SATL1: variants seen among roughly 807,000 people sequenced by gnomAD.
SATL1 encodes spermidine/spermine N1-acetyl transferase like 1, also known as spermidine/spermine N(1)-acetyltransferase-like protein 1.
Under a neutral mutation model 51.8 loss-of-function variants are expected in SATL1, and 47 were observed. The observed-to-expected ratio is 0.91, with a 90% CI of 0.72 to 1.16. The LOEUF is 1.16. SATL1 is among the 50% of genes most tolerant of loss of function. The pLI is 0.00. For missense variants in SATL1, 520 were observed against 526.4 expected (o/e 0.99, Z 0.12); for synonymous variants, 176 against 182.4 (o/e 0.97, Z 0.28).
intron 2 of SATL1, among the ~76,000 whole-genome samples, chrX:85,148,529 T>G (rs904834799): frequency 9.1e-6 from 1 of 110,223 alleles, no homozygotes; most frequent in African/African-American, 3.3e-5. Flanking sequence ...TCACCAAAGT[T>G]GAAATGAAGG....
At chrX:85,198,401 C>G (rs1225708160) in intron 2 of SATL1, among the ~76,000 whole-genome samples, 1 of 111,555 alleles carries the variant, frequency 9.0e-6, no homozygotes, top group Non-Finnish European at 1.9e-5. Flanking sequence ...CTTGAGGAAT[C>G]TCCAAACTGT....
intron 2 of SATL1, among the ~76,000 whole-genome samples, chrX:85,132,633 C>A (rs1279647180): frequency 9.0e-6 from 1 of 111,681 alleles, no homozygotes; most frequent in African/African-American, 3.3e-5. Flanking sequence ...TATTACTGAC[C>A]TTCTGAAGCC....
chrX:85,173,294 C>T (rs981568284), intron 2 of SATL1, among the ~76,000 whole-genome samples: 1 of 110,786 alleles, frequency 9.0e-6, no homozygotes, highest in African/African-American at 3.3e-5. Context: ...TTGCATTATA[C>T]TAAAGGCATT....
intron 2 of SATL1, among the ~76,000 whole-genome samples, chrX:85,114,290 G>C (rs1021598567): frequency 2.7e-5 from 3 of 111,062 alleles, no homozygotes; most frequent in Non-Finnish European, 3.8e-5. Context: ...ATGTTTTCTT[G>C]ACTCTGAAAA....
intron 2 of SATL1, among the ~76,000 whole-genome samples, chrX:85,113,981 G>A (rs1160114794): frequency 2.7e-5 from 3 of 111,641 alleles, no homozygotes; most frequent in African/African-American, 6.5e-5. Flanking sequence ...GTATGAGGCC[G>A]GTTTTCACAA....
intron 2 of SATL1, among the ~76,000 whole-genome samples, chrX:85,180,486 C>A (rs2147739526): frequency 9.0e-6 from 1 of 111,424 alleles, no homozygotes; most frequent in African/African-American, 3.3e-5. Flanking sequence ...GCAACCAACA[C>A]AATGGTATGT....
At chrX:85,126,829 A>G (rs928495023) in intron 2 of SATL1, among the ~76,000 whole-genome samples, 11 of 108,483 alleles carry the variant, frequency 1.0e-4, no homozygotes, top group African/African-American at 3.7e-4. Context: ...TCCTTTCATC[A>G]CAAGTTTTAC....
intron 4 of SATL1, among the ~76,000 whole-genome samples, chrX:85,096,679 T>C (rs898424437): frequency 1.8e-5 from 2 of 110,696 alleles, no homozygotes; most frequent in African/African-American, 6.6e-5. Context: ...GGATCCTCAA[T>C]TAGATTACCA....
At chrX:85,212,344 A>C (rs941167559) in intron 2 of SATL1, among the ~76,000 whole-genome samples, 9 of 111,992 alleles carry the variant, frequency 8.0e-5, no homozygotes, top group African/African-American at 2.9e-4. Context: ...GACTAAAATT[A>C]ATCTGTAAGA....
chrX:85,219,735 C>T (rs1928131562), intron 2 of SATL1: 1 of 110,499 alleles, frequency 9.0e-6, no homozygotes, highest in Non-Finnish European at 1.9e-5. Context: ...TAGAATGATC[C>T]CATAACCTGG....
chrX:85,233,090 A>T (rs2147766437), intron 1 of SATL1, among the ~76,000 whole-genome samples: 1 of 112,251 alleles, frequency 8.9e-6, no homozygotes, highest in African/African-American at 3.2e-5. Context: ...CAGGCAGCTC[A>T]GCACAGAGAG....
At chrX:85,195,774 C>T (rs888195908) in intron 2 of SATL1, among the ~76,000 whole-genome samples, 4 of 109,234 alleles carry the variant, frequency 3.7e-5, no homozygotes, top group Non-Finnish European at 5.7e-5. Flanking sequence ...ATTGCCTGGG[C>T]GACAAGAGCA....
intron 2 of SATL1, among the ~76,000 whole-genome samples, chrX:85,160,866 C>T (rs889440390): frequency 3.6e-5 from 4 of 110,922 alleles, no homozygotes; most frequent in Non-Finnish European, 7.6e-5. Context: ...ACCTGAGACA[C>T]ACATCATCAG....
rs750251731 is a variant in SATL1 at position 85,108,133 on chromosome X, C to T, written c.836G>A (p.Trp279Ter). 22 of 1,209,709 alleles carry T rather than the reference C, an allele frequency of 1.8e-5. No individual in the cohort carries two copies. In the African/African-American group the frequency reaches 2.1e-4, roughly 12 times the overall value. Residue 279 changes from tryptophan (W) to a stop codon, truncating the protein, a stop_gained, in exon 3 of 8, where the codon TGG becomes TAG. Coordinates refer to ENST00000644105, the MANE Select transcript of SATL1 (RefSeq NM_001367857.2). LOFTEE classifies it high-confidence loss of function. ...GTTCATTTCATATAGGCTTGCACTC[C>T]ATTGGTTCATGTCCATTTGGTTCAT... ...LGMNQMDMNQ[W>*]SASLYEMNQV...
At position 85,108,706 on chromosome X, in the gene SATL1, C is replaced by A. The variant is rs1925175122; in HGVS notation, c.263G>T (p.Gly88Val). 5.0e-6 allele frequency: 6 copies of A among 1,202,968 alleles called. No individual in the cohort carries two copies. The East Asian group carries it at 1.8e-4, about 36-fold the overall frequency. The change falls in exon 3 of 8, where the codon GGC becomes GTC. Residue 88 changes from glycine to valine, a missense_variant. Physicochemically the swap from Gly to Val is moderately radical, Grantham distance 109. Transcript: ENST00000644105. ...DTWQLGRSQP[G>V]MLQQELSQLV... ...TTGGCTCAGTTCTTGTTGCAGCATGCCTGGTTGGCTCCTACCTAATTGCCA... is the reference window on the plus strand; with the variant it reads ...TTGGCTCAGTTCTTGTTGCAGCATGACTGGTTGGCTCCTACCTAATTGCCA...
At chrX:85,131,602 A>C (rs1602855491) in intron 2 of SATL1, among the ~76,000 whole-genome samples, 2 of 111,118 alleles carry the variant, frequency 1.8e-5, no homozygotes, top group South Asian at 3.8e-4. Context: ...CTCTTTATCC[A>C]ATTTGCCAGT....
At chrX:85,236,986 G>A (rs1928494048) in intron 1 of SATL1, among the ~76,000 whole-genome samples, 1 of 111,320 alleles carries the variant, frequency 9.0e-6, no homozygotes, top group Non-Finnish European at 1.9e-5. Flanking sequence ...GAAATCAGTA[G>A]CATTTCTATA....
intron 2 of SATL1, among the ~76,000 whole-genome samples, chrX:85,153,204 C>T (rs907638364): frequency 7.2e-5 from 8 of 110,380 alleles, no homozygotes; most frequent in African/African-American, 2.6e-4. Context: ...ATTTTGCTGG[C>T]AGTCTTTTCT....
chrX:85,171,216 T>C (rs750526825), intron 2 of SATL1, among the ~76,000 whole-genome samples: 24 of 111,582 alleles, frequency 2.2e-4, no homozygotes, highest in Non-Finnish European at 4.5e-4. Flanking sequence ...GGCAAAAGTC[T>C]GCTTTAGGCG....
Sources: gnomAD v4.1 joint callset for allele counts (sites outside exome capture counted in the v4.1 genomes callset) on GRCh38, gnomAD v4.1.1 for gene constraint, MANE v1.5 for transcripts, NCBI Gene and HGNC (gene_info 2026-07-23, HGNC 2026-07-21) for gene names.